CA5A: variants seen among roughly 807,000 people sequenced by gnomAD.
The protein encoded by CA5A is carbonic anhydrase 5A, mitochondrial.
Under a neutral mutation model 37.1 loss-of-function variants are expected in CA5A, and 28 were observed. That is an observed-to-expected ratio of 0.75 (90% confidence interval 0.56 to 1.03). The LOEUF (loss-of-function observed/expected upper bound fraction) is 1.03, where lower values mean the gene tolerates loss of function less well. Ranked by LOEUF, CA5A falls within the 50% of genes least tolerant of loss-of-function variation. CA5A has a pLI of 0.00. For synonymous variants in CA5A, 171 were observed against 158.4 expected (o/e 1.08, Z -0.60); for missense variants, 444 against 399.9 (o/e 1.11, Z -0.94).
At chr16:87,900,383 G>A (rs2055861888) in intron 5 of CA5A, among the ~76,000 whole-genome samples, 1 of 152,188 alleles carries the variant, frequency 6.6e-6, no homozygotes, top group Admixed American at 6.5e-5. Context: ...AGGCCACCCC[G>A]AAGCCAGCAT....
rs139921186 is a variant in CA5A at position 87,899,252 on chromosome 16, A to G, written c.618+2660T>C. On this transcript the variant is annotated intron_variant, in intron 5 of 6. Transcript: ENST00000649794. ...CTTCCCATTCCCTGGCCCATGAAGCACAGACTCTTGCTCCCAAGGCTGGGC... is the reference window on the plus strand; with the variant it reads ...CTTCCCATTCCCTGGCCCATGAAGCGCAGACTCTTGCTCCCAAGGCTGGGC... Among the ~76,000 whole-genome samples, 600 of 149,626 alleles carry G rather than the reference A, an allele frequency of 4.0e-3. 9 individuals are homozygous for G. The highest frequency in any genetic ancestry group is 0.014 in the African/African-American group (581 of 40,686).
downstream of CA5A, chr16:87,883,735 C>G (rs533851978): frequency 1.3e-5 from 2 of 151,542 alleles, no homozygotes; most frequent in Non-Finnish European, 2.9e-5. Flanking sequence ...ATCCTGGGTT[C>G]AAGCAATTCT....
chr16:87,905,974 G>T (rs984663176), intron 2 of CA5A, among the ~76,000 whole-genome samples: 8 of 152,240 alleles, frequency 5.3e-5, no homozygotes, highest in Non-Finnish European at 1.2e-4. Flanking sequence ...CCACGTCCAG[G>T]TAGTGCTGGG....
At chr16:87,929,576 A>G (rs1249014520) in intron 1 of CA5A, among the ~76,000 whole-genome samples, 1 of 152,030 alleles carries the variant, frequency 6.6e-6, no homozygotes, top group African/African-American at 2.4e-5. Flanking sequence ...CTGTTATTTA[A>G]TAAGTAAACC....
chr16:87,895,101 C>G (rs1325739293), intron 5 of CA5A, among the ~76,000 whole-genome samples: 4 of 151,902 alleles, frequency 2.6e-5, no homozygotes, highest in Non-Finnish European at 5.9e-5. Flanking sequence ...AATACAAAAA[C>G]TAGCCAGGTG....
intron 2 of CA5A, among the ~76,000 whole-genome samples, chr16:87,917,369 C>G (rs538248849): frequency 1.3e-5 from 2 of 152,178 alleles, no homozygotes; most frequent in Non-Finnish European, 1.5e-5. Context: ...TGAGCAAGAA[C>G]AGGAACAGTG....
chr16:87,910,773 A>G (rs546392330), intron 2 of CA5A, among the ~76,000 whole-genome samples: 1 of 151,988 alleles, frequency 6.6e-6, no homozygotes, highest in African/African-American at 2.4e-5. Context: ...TTTCTTTGAG[A>G]TGGAGCCTTG....
intron 2 of CA5A, among the ~76,000 whole-genome samples, 191 bp from the exon 3 acceptor site, chr16:87,905,095 C>T (rs539734802): frequency 6.6e-6 from 1 of 152,006 alleles, no homozygotes; most frequent in Non-Finnish European, 1.5e-5. Flanking sequence ...CTGCCCCCCC[C>T]CAGCCCAGCG....
At chr16:87,912,547 C>A (rs939920447) in intron 2 of CA5A, among the ~76,000 whole-genome samples, 1 of 152,234 alleles carries the variant, frequency 6.6e-6, no homozygotes, top group Admixed American at 6.5e-5. Context: ...CACTGACTTT[C>A]TCCCACGTGC....
chr16:87,887,971 C>G (rs1281644529), downstream of CA5A: 8 of 1,152,350 alleles, frequency 6.9e-6, no homozygotes, highest in Non-Finnish European at 9.5e-6. Flanking sequence ...ACTTACACAT[C>G]TTTCTTTCAC....
chr16:87,895,367 G>T (rs968234412), intron 5 of CA5A, among the ~76,000 whole-genome samples: 14 of 152,142 alleles, frequency 9.2e-5, no homozygotes, highest in African/African-American at 2.9e-4. Flanking sequence ...CCAACATGGC[G>T]AAACCATGTC....
intron 2 of CA5A, among the ~76,000 whole-genome samples, chr16:87,922,683 G>A (rs1321538411): frequency 6.6e-6 from 1 of 152,278 alleles, no homozygotes; most frequent in East Asian, 1.9e-4. Flanking sequence ...CCCTGGGCCA[G>A]CTGCCGGCTC....
chr16:87,910,260 C>T (rs1714396124), intron 2 of CA5A, among the ~76,000 whole-genome samples: 2 of 152,162 alleles, frequency 1.3e-5, no homozygotes, highest in Admixed American at 6.5e-5. Context: ...TGGTGTGTAC[C>T]AGAGTGCAGC....
chr16:87,892,174 G>A (rs777330437), intron 5 of CA5A: 70 of 458,612 alleles, frequency 1.5e-4, no homozygotes, highest in Non-Finnish European at 2.1e-4. Flanking sequence ...TGGGAATTAC[G>A]TTACATTACA....
At chr16:87,934,448 A>G (rs991099859) in intron 1 of CA5A, among the ~76,000 whole-genome samples, 7 of 152,220 alleles carry the variant, frequency 4.6e-5, no homozygotes, top group Admixed American at 4.6e-4. Context: ...CATGCCTGTA[A>G]TTCCAGCTAC....
At position 87,888,914 on chromosome 16, in the gene CA5A, G is replaced by A. The variant is rs574432577; in HGVS notation, c.775-642C>T. Among the ~76,000 whole-genome samples the A allele has an allele frequency of 9.4e-5, 14 of 148,422 alleles. No homozygotes were observed. In the South Asian group the frequency reaches 1.1e-3, roughly 12 times the overall value. On this transcript the variant is annotated intron_variant, in intron 6 of 6. Transcript: ENST00000649794. Reference sequence around the variant, plus strand: ...ATTACAGGCACAAGCCACCACGCCCGGCTAATTTTTTTTTTTTTTTTTGAG... The same window carrying A: ...ATTACAGGCACAAGCCACCACGCCCAGCTAATTTTTTTTTTTTTTTTTGAG...
chr16:87,936,190 ACGG>A, intron 1 of CA5A, 116 bp downstream of exon 1: 36 of 651,000 alleles, frequency 5.5e-5, no homozygotes, highest in South Asian at 1.2e-4. Context: ...AAAAAAAAAA[ACGG>A]AGTGGAAATC....
intron 6 of CA5A, 21 bp downstream of exon 6, chr16:87,891,778 C>T (rs545858471): frequency 4.1e-6 from 6 of 1,476,526 alleles, no homozygotes; most frequent in Admixed American, 5.6e-5. Flanking sequence ...CGCCATCGTG[C>T]CAGTTACGGG....
At chr16:87,907,912 G>A (rs1363681406) in intron 2 of CA5A, among the ~76,000 whole-genome samples, 1 of 152,208 alleles carries the variant, frequency 6.6e-6, no homozygotes, top group Non-Finnish European at 1.5e-5. Flanking sequence ...GGCAACAAGA[G>A]TGAAACTCCG....
Sources: gnomAD v4.1 joint callset for allele counts (sites outside exome capture counted in the v4.1 genomes callset) on GRCh38, gnomAD v4.1.1 for gene constraint, MANE v1.5 for transcripts, NCBI Gene and HGNC (gene_info 2026-07-23, HGNC 2026-07-21) for gene names.